The following BMP6 variants were observed in gnomAD, a reference collection of about 807,000 sequenced individuals.
BMP6 encodes bone morphogenetic protein 6.
In BMP6, 17 loss-of-function variants were observed where a neutral mutation model predicts 54.1. That is an observed-to-expected ratio of 0.31 (90% CI 0.22 to 0.47). The LOEUF is 0.47. Among genes scored for constraint, BMP6 ranks in the 20% least tolerant of loss-of-function variants. The pLI is 1.00. For missense variants in BMP6, 720 were observed against 690.4 expected, an observed-to-expected ratio of 1.04 and a Z score of -0.48; for synonymous variants, 328 against 291.2, an observed-to-expected ratio of 1.13 and a Z score of -1.28.
intron 1 of BMP6, among the ~76,000 whole-genome samples, chr6:7,842,685 C>T (rs1017077827): frequency 6.6e-5 from 10 of 152,216 alleles, no homozygotes; most frequent in East Asian, 1.9e-4. Context: ...AGACCACCCA[C>T]GGGCATAGAT....
At chr6:7,827,844 G>A (rs1036465544) in intron 1 of BMP6, among the ~76,000 whole-genome samples, 3 of 152,046 alleles carry the variant, frequency 2.0e-5, no homozygotes, top group South Asian at 2.1e-4. Flanking sequence ...CATCATTCTC[G>A]TCATCTGTGA....
At chr6:7,808,594 C>T (rs1758387420) in intron 1 of BMP6, among the ~76,000 whole-genome samples, 1 of 152,090 alleles carries the variant, frequency 6.6e-6, no homozygotes, top group Admixed American at 6.5e-5. Flanking sequence ...CAACTAGCAC[C>T]AAACTTTTGT....
chr6:7,822,897 TTGTG>T (rs56161444), intron 1 of BMP6, among the ~76,000 whole-genome samples: 10,620 of 121,094 alleles, frequency 0.088, 462 homozygotes, highest in Admixed American at 0.14. Context: ...TTGGTGCTGG[TTGTG>T]TGTGTGTGTG....
chr6:7,726,210 C>T lies in BMP6; in HGVS notation c.-746C>T, dbSNP rs1004490271. Among the ~76,000 whole-genome samples, 46 of 152,298 alleles carry T rather than the reference C, an allele frequency of 3.0e-4. No individual in the cohort carries two copies. Among genetic ancestry groups the T allele is most frequent in the African/African-American group, 1.0e-3 (43 of 41,582 alleles). On this transcript the variant is annotated 5_prime_UTR_variant, in exon 1 of 7. Transcript: ENST00000283147. ...GTGCACTAGCCCCCTTCCTTCCCAT[C>T]CTTTCTGCGAGCGGGTTTGCTGGGC...
At chr6:7,847,444 G>C (rs148430831) in intron 2 of BMP6, among the ~76,000 whole-genome samples, 1 of 152,142 alleles carries the variant, frequency 6.6e-6, no homozygotes, top group Non-Finnish European at 1.5e-5. Context: ...GACTCCTTTC[G>C]GGGGAAGGTT....
At chr6:7,732,791 G>A (rs996803135) in intron 1 of BMP6, among the ~76,000 whole-genome samples, 13 of 152,148 alleles carry the variant, frequency 8.5e-5, no homozygotes, top group Admixed American at 3.3e-4. Flanking sequence ...AAAATGAAGA[G>A]GGTACAATGT....
At chr6:7,798,947 A>T (rs1758231230) in intron 1 of BMP6, among the ~76,000 whole-genome samples, 3 of 152,352 alleles carry the variant, frequency 2.0e-5, no homozygotes, top group Admixed American at 2.0e-4. Flanking sequence ...TGGCAGGCCT[A>T]GGGAGATTGG....
chr6:7,794,364 G>C (rs1758161181), intron 1 of BMP6, among the ~76,000 whole-genome samples: 1 of 152,170 alleles, frequency 6.6e-6, no homozygotes, highest in South Asian at 2.1e-4. Flanking sequence ...TACACTTTGG[G>C]AGAGGCCAAG....
At position 7,797,137 on chromosome 6, in the gene BMP6, A is replaced by G. The variant is rs138041173; in HGVS notation, c.665-48003A>G. On this transcript the variant is annotated intron_variant, in intron 1 of 6. Coordinates refer to ENST00000283147, the MANE Select transcript of BMP6 (RefSeq NM_001718.6). ...CCAATAATGAGTATTTGGTAAAGCAATAGGAAACTTTGCAGTAACTACAAC... is the reference window on the plus strand; with the variant it reads ...CCAATAATGAGTATTTGGTAAAGCAGTAGGAAACTTTGCAGTAACTACAAC... Among the ~76,000 whole-genome samples the G allele has an allele frequency of 1.2e-4, 19 of 152,330 alleles. No individual in the cohort carries two copies. The East Asian group carries it at 2.5e-3, about 20-fold the overall frequency.
chr6:7,765,371 C>G (rs1280850865), intron 1 of BMP6, among the ~76,000 whole-genome samples: 1 of 152,174 alleles, frequency 6.6e-6, no homozygotes. Context: ...AATAATTGGA[C>G]CAACTCAGCA....
chr6:7,879,519 C>T (rs1759675577), intron 5 of BMP6, among the ~76,000 whole-genome samples: 1 of 152,226 alleles, frequency 6.6e-6, no homozygotes, highest in Admixed American at 6.5e-5. Context: ...TAATGGTTAA[C>T]ATCTCCAATG....
At chr6:7,761,998 T>G (rs1757620274) in intron 1 of BMP6, among the ~76,000 whole-genome samples, 2 of 152,154 alleles carry the variant, frequency 1.3e-5, no homozygotes, top group African/African-American at 4.8e-5. Flanking sequence ...CTCAGCTCAC[T>G]GCAACCTCCA....
At chr6:7,784,771 C>T (rs755124343) in intron 1 of BMP6, among the ~76,000 whole-genome samples, 1 of 152,164 alleles carries the variant, frequency 6.6e-6, no homozygotes, top group Non-Finnish European at 1.5e-5. Context: ...GGATGCTAAC[C>T]TACAGCTAAT....
In BMP6 at chr6:7,727,146, C is replaced by G; in HGVS notation, c.191C>G (p.Ser64Trp). The change falls in exon 1 of 7, where the codon TCG becomes TGG. Residue 64 changes from serine (S) to tryptophan (W), a missense_variant. By Grantham distance (177) the Ser-to-Trp change is radical (BLOSUM62 -3). Coordinates refer to ENST00000283147, the MANE Select transcript of BMP6 (RefSeq NM_001718.6). Reference sequence around the variant, plus strand: ...CCGCCGCCGTCGCCGCAGTCCTCCTCGGGCTTCCTGTACCGGCGGCTCAAG... The same window carrying G: ...CCGCCGCCGTCGCCGCAGTCCTCCTGGGGCTTCCTGTACCGGCGGCTCAAG... ...EQPPPSPQSSSGFLYRRLKTQ... is the reference protein window; with the variant it reads ...EQPPPSPQSSWGFLYRRLKTQ... 2.5e-6 allele frequency: 4 copies of G among 1,572,648 alleles called. No individual in the cohort carries two copies. Among genetic ancestry groups the G allele is most frequent in the Non-Finnish European group, 1.7e-6 (2 of 1,161,516 alleles).
At chr6:7,858,928 A>G (rs2113273368) in intron 2 of BMP6, among the ~76,000 whole-genome samples, 1 of 152,050 alleles carries the variant, frequency 6.6e-6, no homozygotes, top group South Asian at 2.1e-4. Flanking sequence ...CAGTGAGAAC[A>G]GTCAGTGTTC....
At chr6:7,861,084 CA>C (rs3837026) in intron 2 of BMP6, among the ~76,000 whole-genome samples, 16,634 of 131,524 alleles carry the variant, frequency 0.13, 943 homozygotes, top group Middle Eastern at 0.14. Flanking sequence ...GACCCAGTCT[CA>C]AAAAAAAAAA....
chr6:7,751,759 C>G (rs888640628), intron 1 of BMP6, among the ~76,000 whole-genome samples: 38 of 152,192 alleles, frequency 2.5e-4, no homozygotes, highest in Non-Finnish European at 4.1e-4. Flanking sequence ...GCCCAGGGAT[C>G]TCCTTAGCCT....
At chr6:7,746,631 A>C (rs17763716) in intron 1 of BMP6, among the ~76,000 whole-genome samples, 16,284 of 152,258 alleles carry the variant, frequency 0.11, 1,062 homozygotes, top group East Asian at 0.3. Flanking sequence ...TCCAGTAACT[A>C]AAATCTGAAA....
intron 4 of BMP6, among the ~76,000 whole-genome samples, chr6:7,871,220 T>A (rs1759519140): frequency 6.6e-6 from 1 of 152,232 alleles, no homozygotes; most frequent in Non-Finnish European, 1.5e-5. Context: ...TGTTCAAATA[T>A]CTGTAATGTT....
Sources: gnomAD v4.1 joint callset for allele counts (sites outside exome capture counted in the v4.1 genomes callset) on GRCh38, gnomAD v4.1.1 for gene constraint, MANE v1.5 for transcripts, NCBI Gene and HGNC (gene_info 2026-07-23, HGNC 2026-07-21) for gene names.